Variants in KLK7 observed in about 807,000 individuals in gnomAD.
KLK7 encodes kallikrein-7.
A neutral mutation model predicts 21.0 loss-of-function variants in KLK7; 17 were observed. The ratio of observed to expected loss-of-function variants is 0.81; its 90% confidence interval spans 0.55 to 1.21. The LOEUF is 1.21. KLK7 is among the 50% of genes most tolerant of loss of function. KLK7 has a pLI of 0.00. For synonymous variants in KLK7, 151 were observed against 134.6 expected, an observed-to-expected ratio of 1.12 and a Z score of -0.85; for missense variants, 330 against 322.8, an observed-to-expected ratio of 1.02 and a Z score of -0.17.
At position 50,977,583 on chromosome 19, in the gene KLK7, A is replaced by G. The variant is rs572447388; in HGVS notation, c.715T>C (p.Cys239Arg). The stretch of plus-strand genomic sequence containing the variant: ...TCATTTATCCACTTGGTGAACTTGC[A>G]CACTTGAGTGTAGACTCCTGGGTCA... ...PNDPGVYTQV[C>R]KFTKWINDTM... is the part of the protein sequence containing the mutation. Residue 239 changes from cysteine to arginine, a missense_variant, in exon 6 of 6, where the codon TGC becomes CGC. Physicochemically the swap from Cys to Arg is radical, Grantham distance 180. Transcript: ENST00000595820. The G allele has an allele frequency of 1.9e-6, 3 of 1,613,944 alleles. No homozygotes were observed. Among genetic ancestry groups the G allele is most frequent in the East Asian group, 2.2e-5 (1 of 44,874 alleles).
intron 2 of KLK7, 178 bp from the exon 3 acceptor site, chr19:50,982,092 G>A: frequency 1.2e-6 from 1 of 832,368 alleles, no homozygotes; most frequent in Non-Finnish European, 1.8e-6. Flanking sequence ...AGAAACCCAG[G>A]AGGCGCATCT....
chr19:50,980,409 G>C lies in KLK7; in HGVS notation c.300C>G (p.Arg100=), dbSNP rs555209010. 2.5e-6 allele frequency: 4 copies of C among 1,613,942 alleles called. No homozygotes were observed. The East Asian group carries it at 6.7e-5, about 27-fold the overall frequency. ...AQRIKASKSF[R]HPGYSTQTHV... ...GGGTCTGTGTGGAGTAGCCGGGGTG[G>C]CGGAATGACTTCGAGGCCTTGATCC... The change falls in exon 4 of 6, where the codon CGC becomes CGG. Residue 100 remains arginine (R), a synonymous_variant. Coordinates refer to ENST00000595820, the MANE Select transcript of KLK7 (RefSeq NM_005046.4).
intron 1 of KLK7, among the ~76,000 whole-genome samples, chr19:50,983,208 G>GA (rs1438923908): frequency 1.6e-5 from 2 of 126,690 alleles, no homozygotes; most frequent in Non-Finnish European, 1.6e-5. Context: ...CAGGAGTCCA[G>GA]GCCCCAGCCC....
intron 2 of KLK7, 53 bp downstream of exon 2, chr19:50,982,274 G>T: frequency 6.3e-7 from 1 of 1,580,338 alleles, no homozygotes; most frequent in Non-Finnish European, 8.6e-7. Flanking sequence ...ACTCCTTGGA[G>T]AGGGTCAGTG....
intron 4 of KLK7, 61 bp from the exon 5 acceptor site, chr19:50,979,985 C>A: frequency 1.3e-6 from 2 of 1,542,676 alleles, no homozygotes; most frequent in Non-Finnish European, 1.8e-6. Flanking sequence ...ACCAGAAGGG[C>A]TGTTGTTCAG....
chr19:50,982,179 A>G (rs752858943), intron 2 of KLK7, 148 bp downstream of exon 2: 1 of 1,083,332 alleles, frequency 9.2e-7, no homozygotes, highest in East Asian at 2.6e-5. Flanking sequence ...GAGTCAGCAG[A>G]AGCAGGAAGA....
At position 50,977,415 on chromosome 19, in the gene KLK7, A is replaced by C; in HGVS notation, c.*121T>G. ...TTGATTGGTTTATCAACAGGGCATG[A>C]GGTTGGTTTAAATATATCTTTGAGG... On this transcript the variant is annotated 3_prime_UTR_variant, in exon 6 of 6. Transcript: ENST00000595820. 1.1e-6 allele frequency: 1 copy of C among 944,340 alleles called. No homozygotes were observed. Among genetic ancestry groups the C allele is most frequent in the Non-Finnish European group, 1.6e-6 (1 of 608,508 alleles). The allele number at this position is 944,340 out of a possible 1,614,324, so 58.5% of individuals were successfully genotyped here.
At chr19:50,983,590 C>T (rs1195606394) in intron 1 of KLK7, among the ~76,000 whole-genome samples, 1 of 152,172 alleles carries the variant, frequency 6.6e-6, no homozygotes, top group African/African-American at 2.4e-5. Context: ...CCCCTCCTCC[C>T]TCAGACCCAA....
At chr19:50,979,020 C>A (rs1447528495) in intron 5 of KLK7, among the ~76,000 whole-genome samples, 6 of 151,330 alleles carry the variant, frequency 4.0e-5, no homozygotes, top group Non-Finnish European at 2.9e-5. Context: ...TAGCTCAACA[C>A]AGAGAAAAAA....
chr19:50,982,375 G>A lies in KLK7; in HGVS notation c.25C>T (p.Leu9=). ...GCTAAGGATAGCAGTAAGATCTGCAGGGGCAGGAGAAGGGATCTTGCCATG... is the reference window on the plus strand; with the variant it reads ...GCTAAGGATAGCAGTAAGATCTGCAAGGGCAGGAGAAGGGATCTTGCCATG... MARSLLLP[L]QILLLSLALE... Residue 9 remains leucine (L), a synonymous_variant, in exon 2 of 6, where the codon CTG becomes TTG. Coordinates refer to ENST00000595820, the MANE Select transcript of KLK7 (RefSeq NM_005046.4). 3.1e-6 allele frequency: 5 copies of A among 1,609,512 alleles called. No homozygotes were observed. Among genetic ancestry groups the A allele is most frequent in the Non-Finnish European group, 3.4e-6 (4 of 1,178,070 alleles).
At chr19:50,981,677 G>C (rs1190272381) in intron 3 of KLK7, 90 bp downstream of exon 3, 2 of 1,243,854 alleles carry the variant, frequency 1.6e-6, no homozygotes, top group East Asian at 5.1e-5. Flanking sequence ...GAGGAGAATA[G>C]AGCCGTAGGC....
In KLK7 at chr19:50,977,767, T is replaced by C. The variant is rs140207475; in HGVS notation, c.607-76A>G. 2.0e-4 allele frequency: 285 copies of C among 1,456,808 alleles called. 2 individuals carry two copies. In the East Asian group the frequency reaches 6.6e-3, roughly 34 times the overall value. The allele number at this position is 1,456,808 out of a possible 1,614,324, so 90.2% of individuals were successfully genotyped here. A position where few individuals can be genotyped will look rare whatever the true frequency, so the allele number is the denominator to read the frequency against. On this transcript the variant is annotated intron_variant, in intron 5 of 5. Coordinates refer to ENST00000595820, the MANE Select transcript of KLK7 (RefSeq NM_005046.4). ...CTCATTCTCATACATTCCTCAGTTA[T>C]CGGTCTTTGTCTTGCAGATTATGGA...
chr19:50,981,442 G>T (rs1454210382), intron 3 of KLK7, among the ~76,000 whole-genome samples: 8 of 88,780 alleles, frequency 9.0e-5, no homozygotes, highest in Non-Finnish European at 9.1e-5. Flanking sequence ...AGAGAGAGGG[G>T]GACAGAGACC....
intron 1 of KLK7, among the ~76,000 whole-genome samples, chr19:50,983,100 GC>G (rs566132413): frequency 1.7e-4 from 15 of 86,810 alleles, no homozygotes; most frequent in Admixed American, 5.9e-4. Flanking sequence ...AGGAGTCCAG[GC>G]CCCCAGCTCC....
intron 5 of KLK7, 54 bp from the exon 6 acceptor site, chr19:50,977,745 A>T: frequency 6.5e-7 from 1 of 1,542,264 alleles, no homozygotes; most frequent in Non-Finnish European, 8.9e-7. Context: ...AGCCCAACTC[A>T]TTCTCATACA....
chr19:50,977,674 C>A lies in KLK7; in HGVS notation c.624G>T (p.Pro208=), dbSNP rs73932697. ...KNACNGDSGG[P]LVCRGTLQGL... ...CTTGCAGGGTACCTCTGCACACCAA[C>A]GGTCCCCCTGAGTCACCCTAGAGGG... The change falls in exon 6 of 6, where the codon CCG becomes CCT. Residue 208 remains proline (P), a synonymous_variant. Coordinates refer to ENST00000595820, the MANE Select transcript of KLK7 (RefSeq NM_005046.4). The A allele has an allele frequency of 9.7e-4, 1,564 of 1,613,300 alleles. 13 individuals are homozygous for A. The African/African-American group carries it at 0.019, about 19-fold the overall frequency.
At chr19:50,977,959 C>T (rs2091049326) in intron 5 of KLK7, among the ~76,000 whole-genome samples, 1 of 152,098 alleles carries the variant, frequency 6.6e-6, no homozygotes, top group Admixed American at 6.6e-5. Flanking sequence ...TCTTTATTTT[C>T]CAATGTTAAG....
rs1314570438 is a variant in KLK7, at chr19:50,979,785, C to A, written c.606+3G>T. On this transcript the variant is annotated splice_donor_region_variant and intron_variant, in intron 5 of 5. Coordinates refer to ENST00000595820, the MANE Select transcript of KLK7 (RefSeq NM_005046.4). ...GGGGAGGAATTGGGGGGGAGGGTCT[C>A]ACATTGCAGGCGTTTTTCTTGGAGT... is the stretch of plus-strand genomic sequence containing the variant. 1.3e-6 allele frequency: 2 copies of A among 1,567,222 alleles called. No individual in the cohort carries two copies. Among genetic ancestry groups the A allele is most frequent in the Non-Finnish European group, 1.7e-6 (2 of 1,154,912 alleles).
At chr19:50,979,970 C>A in intron 4 of KLK7, 46 bp from the exon 5 acceptor site, 5 of 1,563,146 alleles carry the variant, frequency 3.2e-6, no homozygotes, top group Non-Finnish European at 3.5e-6. Context: ...AGGATGGGGG[C>A]GAGGACCAGA....
Sources: gnomAD v4.1 joint callset for allele counts (sites outside exome capture counted in the v4.1 genomes callset) on GRCh38, gnomAD v4.1.1 for gene constraint, MANE v1.5 for transcripts, NCBI Gene and HGNC (gene_info 2026-07-23, HGNC 2026-07-21) for gene names.